The following CDH13 variants were observed in gnomAD, a reference collection of about 807,000 sequenced individuals.
The protein encoded by CDH13 is cadherin-13.
A neutral mutation model predicts 63.8 loss-of-function variants in CDH13; 24 were observed. The ratio of observed to expected loss-of-function variants is 0.38; its 90% CI spans 0.27 to 0.53. The LOEUF (loss-of-function observed/expected upper bound fraction) is 0.53, where lower values mean the gene tolerates loss of function less well. CDH13 is among the 20% of genes least tolerant of loss of function. CDH13 has a pLI of 0.85. For synonymous variants in CDH13, 503 were observed against 355.3 expected (o/e 1.42, Z -4.67); for missense variants, 1,049 against 903.1 (o/e 1.16, Z -2.07).
intron 2 of CDH13, among the ~76,000 whole-genome samples, chr16:82,971,048 G>T (rs1241797785): frequency 6.6e-6 from 1 of 152,172 alleles, no homozygotes; most frequent in Admixed American, 6.5e-5. Flanking sequence ...TACCATTCTG[G>T]GGCATACTGG....
At chr16:83,570,178 A>T (rs1228520696) in intron 7 of CDH13, among the ~76,000 whole-genome samples, 1 of 152,204 alleles carries the variant, frequency 6.6e-6, no homozygotes, top group Non-Finnish European at 1.5e-5. Flanking sequence ...CTGAGCACAC[A>T]GGATTCTAAC....
At chr16:82,915,042 C>T (rs993196042) in intron 2 of CDH13, among the ~76,000 whole-genome samples, 18 of 152,172 alleles carry the variant, frequency 1.2e-4, no homozygotes, top group Non-Finnish European at 2.5e-4. Flanking sequence ...TTCACTGAAT[C>T]CTAATCAACT....
chr16:83,434,000 A>T, intron 6 of CDH13, among the ~76,000 whole-genome samples: 1 of 152,174 alleles, frequency 6.6e-6, no homozygotes, highest in Non-Finnish European at 1.5e-5. Context: ...CAAGGTTAAT[A>T]TGCAGAACAT....
chr16:83,745,143 G>T (rs1912455353), intron 10 of CDH13, among the ~76,000 whole-genome samples: 1 of 152,178 alleles, frequency 6.6e-6, no homozygotes, highest in South Asian at 2.1e-4. Context: ...CCGGCGCAAT[G>T]TAAGGCTCGA....
intron 7 of CDH13, among the ~76,000 whole-genome samples, chr16:83,511,122 G>GCACGTGCA (rs2074551806): frequency 6.1e-5 from 8 of 131,748 alleles, no homozygotes; most frequent in Non-Finnish European, 9.8e-5. Context: ...GCACACACAT[G>GCACGTGCA]CACATGTGCA....
chr16:82,952,982 C>T (rs1475325071), intron 2 of CDH13, among the ~76,000 whole-genome samples: 3 of 152,214 alleles, frequency 2.0e-5, no homozygotes, highest in Non-Finnish European at 4.4e-5. Flanking sequence ...AGCAAATGTA[C>T]TCAGCACATC....
At chr16:83,532,351 G>C (rs560719748) in intron 7 of CDH13, among the ~76,000 whole-genome samples, 1 of 152,268 alleles carries the variant, frequency 6.6e-6, no homozygotes, top group East Asian at 1.9e-4. Flanking sequence ...ATTGCACCTT[G>C]AAATTCATTT....
At chr16:83,593,632 C>G (rs1025295516) in intron 7 of CDH13, among the ~76,000 whole-genome samples, 2 of 151,540 alleles carry the variant, frequency 1.3e-5, no homozygotes, top group Non-Finnish European at 2.9e-5. Flanking sequence ...GTTATTTGTC[C>G]TGTAATAATT....
intron 7 of CDH13, among the ~76,000 whole-genome samples, chr16:83,507,804 G>A (rs915277387): frequency 7.2e-5 from 11 of 151,886 alleles, no homozygotes; most frequent in Admixed American, 1.3e-4. Flanking sequence ...GAAGGCCGAG[G>A]CAGGCAGATC....
chr16:82,725,378 G>C (rs1275901923), intron 1 of CDH13, among the ~76,000 whole-genome samples: 3 of 152,190 alleles, frequency 2.0e-5, no homozygotes, highest in Non-Finnish European at 1.5e-5. Context: ...AGGGAGAATA[G>C]TGGGTTCTGG....
At chr16:82,715,804 A>C (rs1172295761) in intron 1 of CDH13, among the ~76,000 whole-genome samples, 2 of 152,198 alleles carry the variant, frequency 1.3e-5, no homozygotes, top group African/African-American at 4.8e-5. Context: ...TACAAGCCAC[A>C]GTCTCACCTC....
intron 11 of CDH13, among the ~76,000 whole-genome samples, chr16:83,761,836 G>T (rs928090785): frequency 6.6e-6 from 1 of 152,170 alleles, no homozygotes; most frequent in Non-Finnish European, 1.5e-5. Context: ...GGAGGCTGAG[G>T]CAGGTGGGTC....
chr16:83,259,485 G>A (rs564137634), intron 5 of CDH13, among the ~76,000 whole-genome samples: 4 of 152,128 alleles, frequency 2.6e-5, no homozygotes, highest in South Asian at 2.1e-4. Flanking sequence ...AGTTCTCGAC[G>A]TTCGTTTTTA....
intron 2 of CDH13, among the ~76,000 whole-genome samples, chr16:82,866,727 A>T (rs892234952): frequency 1.3e-5 from 2 of 152,052 alleles, no homozygotes; most frequent in Non-Finnish European, 2.9e-5. Context: ...GAAAACTTAC[A>T]ATCATGGTGG....
chr16:82,840,066 T>A (rs1020914987), intron 1 of CDH13, among the ~76,000 whole-genome samples: 1 of 152,144 alleles, frequency 6.6e-6, no homozygotes, highest in African/African-American at 2.4e-5. Flanking sequence ...ATTTTTTCCT[T>A]TTTAGTTCAA....
At chr16:82,924,855 G>C (rs1315701342) in intron 2 of CDH13, among the ~76,000 whole-genome samples, 1 of 152,026 alleles carries the variant, frequency 6.6e-6, no homozygotes, top group Admixed American at 6.5e-5. Context: ...TGTTCTCAGT[G>C]CTATTATTAC....
intron 10 of CDH13, among the ~76,000 whole-genome samples, chr16:83,724,350 A>G (rs1321038146): frequency 6.7e-6 from 1 of 148,678 alleles, no homozygotes; most frequent in African/African-American, 2.5e-5. Flanking sequence ...TGGCTGAGTG[A>G]TGAATGCATG....
intron 3 of CDH13, among the ~76,000 whole-genome samples, chr16:83,082,868 C>G (rs2033346947): frequency 6.6e-6 from 1 of 152,160 alleles, no homozygotes; most frequent in South Asian, 2.1e-4. Context: ...GTTTTAACAG[C>G]AACAGTGAAT....
chr16:83,308,389 A>G (rs1389561528), intron 5 of CDH13, among the ~76,000 whole-genome samples: 1 of 152,228 alleles, frequency 6.6e-6, no homozygotes, highest in South Asian at 2.1e-4. Context: ...GAGATGTTCT[A>G]GATTTTCCTG....
Sources: gnomAD v4.1 joint callset for allele counts (sites outside exome capture counted in the v4.1 genomes callset) on GRCh38, gnomAD v4.1.1 for gene constraint, MANE v1.5 for transcripts, NCBI Gene and HGNC (gene_info 2026-07-23, HGNC 2026-07-21) for gene names.